ABLIM2: variants seen among roughly 807,000 people sequenced by gnomAD.
ABLIM2 encodes the protein actin-binding LIM protein 2.
In ABLIM2, 53 loss-of-function variants were observed where a neutral mutation model predicts 97.7. The observed-to-expected ratio is 0.54, with a 90% CI of 0.44 to 0.68. ABLIM2 has a LOEUF of 0.68. Ranked by LOEUF, ABLIM2 falls within the 30% of genes least tolerant of loss-of-function variation. The probability of loss-of-function intolerance (pLI) is 0.00; values close to 1 mark genes in which losing one functional copy is unlikely to be tolerated. For synonymous variants in ABLIM2, 361 were observed against 345.8 expected (o/e 1.04, Z -0.49); for missense variants, 835 against 867.2 (o/e 0.96, Z 0.47).
intron 18 of ABLIM2, among the ~76,000 whole-genome samples, chr4:7,984,542 C>G (rs181936332): frequency 1.3e-5 from 2 of 152,390 alleles, no homozygotes; most frequent in African/African-American, 4.8e-5. Context: ...CCCTGGAAGC[C>G]TTGTGCCTGT....
intron 20 of ABLIM2, among the ~76,000 whole-genome samples, chr4:7,975,131 T>C (rs1217492657): frequency 6.6e-6 from 1 of 152,176 alleles, no homozygotes; most frequent in Non-Finnish European, 1.5e-5. Flanking sequence ...GGTGAGAGGA[T>C]CACTTAAGCT....
At chr4:8,020,600 C>T in intron 12 of ABLIM2, 1 of 466,046 alleles carries the variant, frequency 2.1e-6, no homozygotes, top group Non-Finnish European at 3.9e-6. Flanking sequence ...GGGCTCACTC[C>T]ATCTGCGCCT....
At chr4:8,029,587 A>T (rs1393571003) in intron 11 of ABLIM2, 69 bp downstream of exon 11, 1 of 181,032 alleles carries the variant, frequency 5.5e-6, no homozygotes, top group Non-Finnish European at 7.9e-6. Context: ...AAAAAAAACT[A>T]AAAAAAAAAA....
At position 7,967,122 on chromosome 4, in the gene ABLIM2, A is replaced by C; in HGVS notation, c.1825-19T>G. Reference sequence around the variant, plus strand: ...AGTGTCTCTTCAAACAAAAAGGCAAAACAGAAGGGACCAGTTAGCCACGCA... The same window carrying C: ...AGTGTCTCTTCAAACAAAAAGGCAACACAGAAGGGACCAGTTAGCCACGCA... On this transcript the variant is annotated intron_variant, in intron 20 of 20. Coordinates refer to ENST00000447017, the MANE Select transcript of ABLIM2 (RefSeq NM_001130083.2). 6.2e-7 allele frequency: 1 copy of C among 1,601,792 alleles called. No individual in the cohort carries two copies. The highest frequency in any genetic ancestry group is 8.5e-7 in the Non-Finnish European group (1 of 1,170,148).
intron 2 of ABLIM2, among the ~76,000 whole-genome samples, chr4:8,100,051 G>A (rs1264982043): frequency 1.3e-5 from 2 of 152,212 alleles, no homozygotes; most frequent in Admixed American, 6.5e-5. Flanking sequence ...TTGGGCACAC[G>A]CTGTGTTCAT....
chr4:8,038,489 C>T (rs77219468), intron 9 of ABLIM2, among the ~76,000 whole-genome samples: 3,119 of 152,258 alleles, frequency 0.02, 94 homozygotes, highest in African/African-American at 0.07. Context: ...GCAGCTTCAC[C>T]CTAAGCTGTC....
chr4:7,982,713 T>C (rs767313147), intron 20 of ABLIM2, among the ~76,000 whole-genome samples: 8 of 151,738 alleles, frequency 5.3e-5, no homozygotes, highest in Non-Finnish European at 1.0e-4. Flanking sequence ...TTATTATTAT[T>C]ATTATTATTT....
rs1848675773 is a variant in ABLIM2 at position 8,127,898 on chromosome 4, A to G, written c.11-21261T>C. ...GGGAGCATCTGCTGACCCTTCCTCCATGTGTAGGGGCAGCAATAGTGAGCT... is the reference window on the plus strand; with the variant it reads ...GGGAGCATCTGCTGACCCTTCCTCCGTGTGTAGGGGCAGCAATAGTGAGCT... On this transcript the variant is annotated intron_variant, in intron 1 of 20. Transcript: ENST00000447017. The surrounding 1 kb of genome is among the most constrained non-coding windows in gnomAD (Gnocchi z 7.3). Among the ~76,000 whole-genome samples, 1 of 152,170 alleles carries G rather than the reference A, an allele frequency of 6.6e-6. No homozygotes were observed. Among genetic ancestry groups the G allele is most frequent in the South Asian group, 2.1e-4 (1 of 4,834 alleles).
At chr4:7,991,495 C>T (rs1224732578) in intron 17 of ABLIM2, among the ~76,000 whole-genome samples, 1 of 151,116 alleles carries the variant, frequency 6.6e-6, no homozygotes, top group Non-Finnish European at 1.5e-5. Flanking sequence ...TTCCCACTGT[C>T]CCCAGGACCC....
chr4:8,015,527 C>A lies in ABLIM2; in HGVS notation c.1423+4091G>T, dbSNP rs1768361050. Among the ~76,000 whole-genome samples, 1 of 152,174 alleles carries A rather than the reference C, an allele frequency of 6.6e-6. No individual in the cohort carries two copies. Among genetic ancestry groups the A allele is most frequent in the Non-Finnish European group, 1.5e-5 (1 of 68,036 alleles). ...GACCCAAAACCAAAATGAAACTCAACCCCACTAGAATCTGGAATCCCAGAG... is the reference window on the plus strand; with the variant it reads ...GACCCAAAACCAAAATGAAACTCAAACCCACTAGAATCTGGAATCCCAGAG... On this transcript the variant is annotated intron_variant, in intron 14 of 20. Coordinates refer to ENST00000447017, the MANE Select transcript of ABLIM2 (RefSeq NM_001130083.2). The surrounding 1 kb of genome is among the most constrained non-coding windows in gnomAD (Gnocchi z 4.6).
chr4:7,970,887 A>G lies in ABLIM2; in HGVS notation c.1825-3784T>C, dbSNP rs139595871. On this transcript the variant is annotated intron_variant, in intron 20 of 20. Coordinates refer to ENST00000447017, the MANE Select transcript of ABLIM2 (RefSeq NM_001130083.2). This position sits in a 1 kb window ranked among gnomAD's most constrained non-coding sequence, Gnocchi z 5.3. The stretch of plus-strand genomic sequence containing the variant: ...GCCAGGCCACTCGTATGTGGCCTAC[A>G]GGGCCCAGGACTTGGGGCCAGGGGT... 2.2e-3 allele frequency among the ~76,000 whole-genome samples: 342 copies of G among 152,076 alleles called. No homozygotes were observed. The highest frequency in any genetic ancestry group is 7.8e-3 in the African/African-American group (324 of 41,490).
At position 8,044,369 on chromosome 4, in the gene ABLIM2, G is replaced by A. The variant is rs929732978; in HGVS notation, c.900+795C>T. 1.3e-5 allele frequency among the ~76,000 whole-genome samples: 2 copies of A among 151,946 alleles called. No homozygotes were observed. The highest frequency in any genetic ancestry group is 2.9e-5 in the Non-Finnish European group (2 of 68,006). On this transcript the variant is annotated intron_variant, in intron 9 of 20. Coordinates refer to ENST00000447017, the MANE Select transcript of ABLIM2 (RefSeq NM_001130083.2). This position sits in a 1 kb window ranked among gnomAD's most constrained non-coding sequence, Gnocchi z 4.4. Reference sequence around the variant, plus strand: ...GCCATCCCTCACCTGGCGCCTGGGGGTCCTCGCCTAGATAAGGAATTTTGG... The same window carrying A: ...GCCATCCCTCACCTGGCGCCTGGGGATCCTCGCCTAGATAAGGAATTTTGG...
intron 2 of ABLIM2, among the ~76,000 whole-genome samples, chr4:8,105,776 T>C (rs1308503746): frequency 6.6e-6 from 1 of 152,194 alleles, no homozygotes; most frequent in Non-Finnish European, 1.5e-5. Flanking sequence ...TCAAATTGGT[T>C]TGATTTGCAC....
chr4:8,140,844 T>C lies in ABLIM2; in HGVS notation c.10+17836A>G, dbSNP rs112895753. On this transcript the variant is annotated intron_variant, in intron 1 of 20. Coordinates refer to ENST00000447017, the MANE Select transcript of ABLIM2 (RefSeq NM_001130083.2). This position sits in a 1 kb window ranked among gnomAD's most constrained non-coding sequence, Gnocchi z 5.9. ...GTGGGGTTCAGGGCAGGGAGGTGGC[T>C]GCCAAGAAGAGCTATGAAGAATTAG... Among the ~76,000 whole-genome samples, 39,445 of 151,876 alleles carry C rather than the reference T, an allele frequency of 0.26. 6,710 individuals are homozygous for C. The highest frequency in any genetic ancestry group is 0.49 in the African/African-American group (20,148 of 41,300).
chr4:7,980,698 G>A (rs777838578), intron 20 of ABLIM2, among the ~76,000 whole-genome samples: 122 of 149,438 alleles, frequency 8.2e-4, no homozygotes, highest in Non-Finnish European at 4.3e-4. Context: ...CTGAGTGACA[G>A]AGTGAGACTC....
At chr4:7,974,463 C>CCACA (rs1731236909) in intron 20 of ABLIM2, among the ~76,000 whole-genome samples, 1 of 150,210 alleles carries the variant, frequency 6.7e-6, no homozygotes, top group Non-Finnish European at 1.5e-5. Flanking sequence ...ATCCATCCAC[C>CCACA]CACACACCCA....
intron 6 of ABLIM2, among the ~76,000 whole-genome samples, chr4:8,064,330 G>A (rs1805584355): frequency 6.6e-6 from 1 of 152,210 alleles, no homozygotes; most frequent in Non-Finnish European, 1.5e-5. Context: ...GAGGGGAGCA[G>A]ACCGTGAAGG....
At chr4:8,042,541 A>G (rs924368200) in intron 9 of ABLIM2, among the ~76,000 whole-genome samples, 1 of 152,150 alleles carries the variant, frequency 6.6e-6, no homozygotes, top group Non-Finnish European at 1.5e-5. Context: ...GTTATCATCC[A>G]ATCTAAGCAT....
intron 20 of ABLIM2, among the ~76,000 whole-genome samples, chr4:7,971,289 C>T (rs1444910073): frequency 6.6e-6 from 1 of 152,178 alleles, no homozygotes. Context: ...TGGCCTCAAG[C>T]CAGCTCCTCT....
Sources: gnomAD v4.1 joint callset for allele counts (sites outside exome capture counted in the v4.1 genomes callset) on GRCh38, gnomAD v4.1.1 for gene constraint, Gnocchi (gnomAD v3.1) non-coding constraint, MANE v1.5 for transcripts, NCBI Gene and HGNC (gene_info 2026-07-23, HGNC 2026-07-21) for gene names.